The following SCN3B variants were observed in gnomAD, a reference collection of about 807,000 sequenced individuals.
SCN3B encodes the protein sodium channel regulatory subunit beta-3.
SCN3B carries 11 observed loss-of-function variants against 25.4 expected under a neutral mutation model. The ratio of observed to expected loss-of-function variants is 0.43; its 90% CI spans 0.27 to 0.72. The LOEUF (loss-of-function observed/expected upper bound fraction) is 0.72, where lower values mean the gene tolerates loss of function less well. Ranked by LOEUF, SCN3B falls within the 30% of genes least tolerant of loss-of-function variation. The pLI, the probability that SCN3B is intolerant of heterozygous loss-of-function variation, is 0.18. For synonymous variants in SCN3B, 109 were observed against 110.7 expected (o/e 0.99, Z 0.09); for missense variants, 218 against 278.3 (o/e 0.78, Z 1.54).
chr11:123,639,014 G>C (rs1389978506), intron 4 of SCN3B: 1 of 155,492 alleles, frequency 6.4e-6, no homozygotes, highest in Admixed American at 6.3e-5. Flanking sequence ...TTGAAACACA[G>C]TTAGGATCCT....
chr11:123,643,566 C>A lies in SCN3B; in HGVS notation c.220-895G>T, dbSNP rs78604147. On this transcript the variant is annotated intron_variant, in intron 3 of 6. Coordinates refer to ENST00000299333, the MANE Select transcript of SCN3B (RefSeq NM_001040151.2). ...TTCAATTATTCATAGCCACATGTGG[C>A]TGGTGGCCACTGTATCGCACAGCAC... 2.7e-4 allele frequency among the ~76,000 whole-genome samples: 41 copies of A among 152,378 alleles called. No individual in the cohort carries two copies. The East Asian group carries it at 7.9e-3, about 29-fold the overall frequency.
chr11:123,641,550 T>G (rs1477147557), intron 4 of SCN3B, among the ~76,000 whole-genome samples: 1 of 152,118 alleles, frequency 6.6e-6, no homozygotes, highest in Non-Finnish European at 1.5e-5. Context: ...GCCCCACACT[T>G]TGGCCTGCTC....
rs1197080080 is a variant in SCN3B at position 123,631,866 on chromosome 11, TG to T, written c.*1932del. On this transcript the variant is annotated 3_prime_UTR_variant, in exon 7 of 7. Transcript: ENST00000299333. ...ATAAATAAATAAAAATTTAAAAGTC[TG>T]GTTTTAAGTACTTTCCTAGGGATGG... 2.6e-5 allele frequency: 4 copies of T among 152,078 alleles called. No individual in the cohort carries two copies. The highest frequency in any genetic ancestry group is 4.4e-5 in the Non-Finnish European group (3 of 68,002). The allele number at this position is 152,078 out of a possible 1,614,324, so 9.4% of individuals were successfully genotyped here. A position where few individuals can be genotyped will look rare whatever the true frequency, so the allele number is the denominator to read the frequency against.
At chr11:123,635,937 C>G (rs1384735084) in intron 5 of SCN3B, among the ~76,000 whole-genome samples, 1 of 152,140 alleles carries the variant, frequency 6.6e-6, no homozygotes, top group African/African-American at 2.4e-5. Flanking sequence ...GGCTACTTAG[C>G]CTTCCATGTG....
chr11:123,633,755 G>T lies in SCN3B; in HGVS notation c.*44C>A. 3.1e-6 allele frequency: 1 copy of T among 324,328 alleles called. No homozygotes were observed. Among genetic ancestry groups the T allele is most frequent in the Non-Finnish European group, 6.1e-6 (1 of 165,190 alleles). 20.1% of individuals were successfully genotyped at this position (324,328 alleles called of 1,614,324 possible). On this transcript the variant is annotated 3_prime_UTR_variant, in exon 7 of 7. Transcript: ENST00000299333. ...GACATTGCTGAACATGGGATGTCCA[G>T]TCCCTCAGGTGTTCAGGCCACCTAC... is the stretch of plus-strand genomic sequence containing the variant.
At chr11:123,646,850 T>C (rs1390387781) in intron 2 of SCN3B, among the ~76,000 whole-genome samples, 1 of 152,178 alleles carries the variant, frequency 6.6e-6, no homozygotes, top group Non-Finnish European at 1.5e-5. Context: ...TGGACTATTA[T>C]GATCAGTTCA....
intron 3 of SCN3B, among the ~76,000 whole-genome samples, chr11:123,643,836 C>T (rs1273386803): frequency 6.6e-6 from 1 of 152,264 alleles, no homozygotes; most frequent in African/African-American, 2.4e-5. Context: ...GGGGGCTAGC[C>T]TCAGTTGCAG....
In SCN3B at chr11:123,654,575, G is replaced by T. The variant is rs1292521959; in HGVS notation, c.-375C>A. 1 of 152,834 alleles carries T rather than the reference G, an allele frequency of 6.5e-6. No individual in the cohort carries two copies. Among genetic ancestry groups the T allele is most frequent in the Non-Finnish European group, 1.5e-5 (1 of 68,558 alleles). The allele number at this position is 152,834 out of a possible 1,614,324, so 9.5% of individuals were successfully genotyped here. On this transcript the variant is annotated 5_prime_UTR_variant, in exon 1 of 7. Transcript: ENST00000299333. ...CAGGTGATCAGCAACCCTTCTCTAG[G>T]CCCCCAGGCCGTGTGTGCTGTCAGC...
chr11:123,642,796 T>G lies in SCN3B; in HGVS notation c.220-125A>C. 1.3e-6 allele frequency: 1 copy of G among 763,198 alleles called. No homozygotes were observed. Among genetic ancestry groups the G allele is most frequent in the Non-Finnish European group, 2.3e-6 (1 of 441,396 alleles). The allele number at this position is 763,198 out of a possible 1,614,324, so 47.3% of individuals were successfully genotyped here. A position where few individuals can be genotyped will look rare whatever the true frequency, so the allele number is the denominator to read the frequency against. On this transcript the variant is annotated intron_variant, in intron 3 of 6. Coordinates refer to ENST00000299333, the MANE Select transcript of SCN3B (RefSeq NM_001040151.2). The surrounding 1 kb of genome is among the most constrained non-coding windows in gnomAD (Gnocchi z 4.3). ...CATGGACAGGGAAGAGAGGGGACAA[T>G]GCCACCGGGAGACCCAGAATGTGGG...
intron 4 of SCN3B, chr11:123,638,992 A>G (rs1955758143): frequency 6.3e-6 from 1 of 158,320 alleles, no homozygotes; most frequent in Non-Finnish European, 1.4e-5. Context: ...CATTGTCCCC[A>G]GGGCTGTACT....
chr11:123,635,866 A>G (rs1023032598), intron 5 of SCN3B, among the ~76,000 whole-genome samples: 4 of 152,180 alleles, frequency 2.6e-5, no homozygotes, highest in Non-Finnish European at 1.5e-5. Flanking sequence ...ACAGGGACCT[A>G]TGGCGCCTGC....
At chr11:123,646,305 T>C (rs935038350) in intron 2 of SCN3B, among the ~76,000 whole-genome samples, 1 of 152,202 alleles carries the variant, frequency 6.6e-6, no homozygotes, top group Non-Finnish European at 1.5e-5. Flanking sequence ...GACAGGCAGT[T>C]AGTTACTCCC....
chr11:123,648,185 C>A (rs886509821), intron 2 of SCN3B, among the ~76,000 whole-genome samples: 2 of 152,136 alleles, frequency 1.3e-5, no homozygotes, highest in Admixed American at 6.5e-5. Flanking sequence ...TTCATGTTGA[C>A]AAACTCAGAA....
chr11:123,651,282 G>A (rs1424274358), intron 2 of SCN3B, among the ~76,000 whole-genome samples: 1 of 151,938 alleles, frequency 6.6e-6, no homozygotes, highest in Non-Finnish European at 1.5e-5. Flanking sequence ...TTTGGAAGGG[G>A]GAACACATCT....
intron 2 of SCN3B, among the ~76,000 whole-genome samples, chr11:123,650,174 TTTATGAGAAGGAAA>T (rs1955908074): frequency 6.7e-6 from 1 of 148,562 alleles, no homozygotes; most frequent in Non-Finnish European, 1.5e-5. Context: ...AATGAAGAAA[TTTATGAGAAGGAAA>T]AACATGATTA....
chr11:123,635,512 G>A (rs1292133628), intron 5 of SCN3B, among the ~76,000 whole-genome samples: 5 of 151,846 alleles, frequency 3.3e-5, no homozygotes, highest in African/African-American at 7.3e-5. Flanking sequence ...GTGAAATCCC[G>A]TCTCTACTAA....
At chr11:123,649,614 TTTTC>T (rs1249545186) in intron 2 of SCN3B, among the ~76,000 whole-genome samples, 5 of 151,112 alleles carry the variant, frequency 3.3e-5, no homozygotes, top group Non-Finnish European at 5.9e-5. Context: ...TTTCTTTTTC[TTTTC>T]TTTCTTTTTT....
chr11:123,652,436 G>T (rs1424434857), intron 2 of SCN3B, among the ~76,000 whole-genome samples: 1 of 152,170 alleles, frequency 6.6e-6, no homozygotes, highest in Admixed American at 6.5e-5. Context: ...TCTGCCTCTG[G>T]TCACATGCAA....
At chr11:123,652,310 G>A (rs1955935663) in intron 2 of SCN3B, among the ~76,000 whole-genome samples, 1 of 152,218 alleles carries the variant, frequency 6.6e-6, no homozygotes, top group African/African-American at 2.4e-5. Flanking sequence ...TCCATCTCCA[G>A]GTCTGGTCTA....
Sources: allele counts gnomAD v4.1 joint callset (sites outside exome capture counted in the v4.1 genomes callset), GRCh38; gene constraint gnomAD v4.1.1; non-coding constraint Gnocchi (gnomAD v3.1); transcripts MANE v1.5; gene names NCBI Gene and HGNC (gene_info 2026-07-23, HGNC 2026-07-21).